Variants in ACSS3 observed in about 807,000 individuals in gnomAD.
The protein encoded by ACSS3 is acyl-CoA synthetase short-chain family member 3, mitochondrial.
Under a neutral mutation model 84.2 loss-of-function variants are expected in ACSS3, and 64 were observed. The ratio of observed to expected loss-of-function variants is 0.76; its 90% confidence interval spans 0.62 to 0.94. ACSS3 has a LOEUF of 0.94. Ranked by LOEUF, ACSS3 falls within the 40% of genes least tolerant of loss-of-function variation. The pLI, the probability that ACSS3 is intolerant of heterozygous loss-of-function variation, is 0.00. For synonymous variants in ACSS3, 317 were observed against 310.1 expected, an observed-to-expected ratio of 1.02 and a Z score of -0.23; for missense variants, 815 against 867.6, an observed-to-expected ratio of 0.94 and a Z score of 0.76.
chr12:81,206,568 A>G (rs919701983), intron 9 of ACSS3, among the ~76,000 whole-genome samples: 1 of 152,116 alleles, frequency 6.6e-6, no homozygotes. Context: ...TTATATAGAC[A>G]CAGTGTCATC....
At chr12:81,104,041 A>T (rs1029357952) in intron 1 of ACSS3, among the ~76,000 whole-genome samples, 1 of 152,208 alleles carries the variant, frequency 6.6e-6, no homozygotes, top group South Asian at 2.1e-4. Context: ...TTCTGTTTTC[A>T]AGACAAGACA....
At chr12:81,252,970 A>G (rs952694675) in intron 13 of ACSS3, among the ~76,000 whole-genome samples, 1 of 152,224 alleles carries the variant, frequency 6.6e-6, no homozygotes. Context: ...TTGTTTACAT[A>G]CAGTATCCAC....
rs559883677 is a variant in ACSS3 at position 81,217,996 on chromosome 12, A to G, written c.1450+1000A>G. On this transcript the variant is annotated intron_variant, in intron 10 of 15. Transcript: ENST00000548058. ...CAGTAGTAACCATTATTATTAAACA[A>G]TTTATCTTGGATGGCTCTCTCTAGG... 9.2e-5 allele frequency among the ~76,000 whole-genome samples: 14 copies of G among 152,264 alleles called. No individual in the cohort carries two copies. The East Asian group carries it at 2.3e-3, about 25-fold the overall frequency.
intron 1 of ACSS3, among the ~76,000 whole-genome samples, chr12:81,081,260 G>A (rs1367629783): frequency 6.6e-6 from 1 of 152,150 alleles, no homozygotes; most frequent in Non-Finnish European, 1.5e-5. Context: ...CTTTAAGGGC[G>A]ATATATGGAA....
At chr12:81,192,675 G>A (rs1323974172) in intron 8 of ACSS3, among the ~76,000 whole-genome samples, 1 of 151,984 alleles carries the variant, frequency 6.6e-6, no homozygotes, top group African/African-American at 2.4e-5. Flanking sequence ...TTTAATCTTC[G>A]ATTTTCCTTT....
chr12:81,095,001 T>C (rs1881937797), intron 1 of ACSS3, among the ~76,000 whole-genome samples: 1 of 152,170 alleles, frequency 6.6e-6, no homozygotes, highest in Non-Finnish European at 1.5e-5. Flanking sequence ...TTCATTATTG[T>C]TATCATCAGG....
At chr12:81,105,773 A>T (rs763873445) in intron 1 of ACSS3, among the ~76,000 whole-genome samples, 8 of 152,192 alleles carry the variant, frequency 5.3e-5, no homozygotes, top group Non-Finnish European at 1.2e-4. Context: ...AGTCTTTAAG[A>T]TTCTTTTTAA....
intron 2 of ACSS3, among the ~76,000 whole-genome samples, chr12:81,117,183 A>C (rs1163984668): frequency 6.6e-6 from 1 of 152,188 alleles, no homozygotes. Context: ...GACTAGAATG[A>C]TCATGGTGTG....
rs2034217724 is a variant in ACSS3, at chr12:81,253,600, T to C, written c.1925T>C (p.Leu642Pro). 1 of 1,613,998 alleles carries C rather than the reference T, an allele frequency of 6.2e-7. No homozygotes were observed. Among genetic ancestry groups the C allele is most frequent in the African/African-American group, 1.3e-5 (1 of 75,048 alleles). Reference sequence around the variant, plus strand: ...CGAAATGCAGTGTTTGTCAAACAGCTACCCAAAACCAGATCTGGCAAGATC... The same window carrying C: ...CGAAATGCAGTGTTTGTCAAACAGCCACCCAAAACCAGATCTGGCAAGATC... ...AFRNAVFVKQ[L>P]PKTRSGKIPR... Residue 642 changes from leucine (L) to proline (P), a missense_variant, in exon 15 of 16, where the codon CTA becomes CCA. Leu to Pro is a moderately conservative substitution (Grantham distance 98). Coordinates refer to ENST00000548058, the MANE Select transcript of ACSS3 (RefSeq NM_024560.4).
At chr12:81,104,532 A>T (rs541645635) in intron 1 of ACSS3, among the ~76,000 whole-genome samples, 183 of 152,148 alleles carry the variant, frequency 1.2e-3, no homozygotes, top group African/African-American at 4.2e-3. Flanking sequence ...TTATGTGGGG[A>T]GCTGAAACTT....
intron 8 of ACSS3, among the ~76,000 whole-genome samples, chr12:81,192,325 A>G (rs1252673368): frequency 1.3e-5 from 2 of 152,202 alleles, no homozygotes; most frequent in East Asian, 3.9e-4. Flanking sequence ...GGTTATAGTA[A>G]GCCGAGACCG....
chr12:81,172,137 G>C (rs900210932), intron 7 of ACSS3, among the ~76,000 whole-genome samples: 1 of 151,268 alleles, frequency 6.6e-6, no homozygotes, highest in African/African-American at 2.4e-5. Flanking sequence ...CATGGTGGCA[G>C]GTTCTGTAAT....
At chr12:81,168,712 A>G (rs1243898238) in intron 7 of ACSS3, among the ~76,000 whole-genome samples, 4 of 152,164 alleles carry the variant, frequency 2.6e-5, no homozygotes, top group Non-Finnish European at 5.9e-5. Flanking sequence ...ATAATTAAGG[A>G]CAGTGAAGCA....
At chr12:81,085,862 A>G (rs1251806373) in intron 1 of ACSS3, among the ~76,000 whole-genome samples, 1 of 152,166 alleles carries the variant, frequency 6.6e-6, no homozygotes, top group African/African-American at 2.4e-5. Flanking sequence ...GAATGTCCTT[A>G]TTTATAACAA....
intron 8 of ACSS3, among the ~76,000 whole-genome samples, chr12:81,182,927 T>C (rs1231940363): frequency 6.6e-6 from 1 of 152,122 alleles, no homozygotes; most frequent in Admixed American, 6.6e-5. Context: ...GTCATGTATT[T>C]TCTTAGAAGC....
At chr12:81,158,662 C>T (rs1345610852) in intron 7 of ACSS3, among the ~76,000 whole-genome samples, 1 of 152,078 alleles carries the variant, frequency 6.6e-6, no homozygotes, top group Non-Finnish European at 1.5e-5. Context: ...TCCTGTTTCC[C>T]TGCAGTTATT....
intron 1 of ACSS3, among the ~76,000 whole-genome samples, chr12:81,103,159 C>G (rs1004531650): frequency 9.9e-5 from 15 of 152,100 alleles, no homozygotes; most frequent in South Asian, 2.1e-4. Context: ...GCCATCATTA[C>G]CATAATTTTT....
intron 1 of ACSS3, among the ~76,000 whole-genome samples, chr12:81,105,083 T>C (rs1207375099): frequency 4.6e-5 from 7 of 152,142 alleles, no homozygotes; most frequent in Admixed American, 1.3e-4. Context: ...CCAAAAATTA[T>C]GCGTTATGCA....
intron 5 of ACSS3, among the ~76,000 whole-genome samples, chr12:81,148,665 G>C (rs1419933713): frequency 6.6e-6 from 1 of 152,040 alleles, no homozygotes. Context: ...AATTATGACT[G>C]ATCCTACCAA....
Sources: allele counts gnomAD v4.1 joint callset (sites outside exome capture counted in the v4.1 genomes callset), GRCh38; gene constraint gnomAD v4.1.1; transcripts MANE v1.5; gene names NCBI Gene and HGNC (gene_info 2026-07-23, HGNC 2026-07-21).